LRP1B: variants seen among roughly 807,000 people sequenced by gnomAD.
The protein encoded by LRP1B is low-density lipoprotein receptor-related protein 1B.
In LRP1B, 217 loss-of-function variants were observed where a neutral mutation model predicts 556.6. The observed-to-expected ratio is 0.39, with a 90% CI of 0.35 to 0.44. LRP1B has a LOEUF of 0.44. Among genes scored for constraint, LRP1B ranks in the 20% least tolerant of loss-of-function variants. The pLI is 1.00. For missense variants in LRP1B, 5,053 were observed against 5,620.8 expected (o/e 0.90, Z 3.23); for synonymous variants, 2,047 against 1,865.8 (o/e 1.10, Z -2.50).
At chr2:140,321,910 A>C in intron 82 of LRP1B, 53 bp downstream of exon 82, 2 of 1,549,464 alleles carry the variant, frequency 1.3e-6, no homozygotes, top group South Asian at 2.3e-5. Context: ...CGAGGTGTGA[A>C]ATTTTATGAT....
At chr2:142,077,877 ATGT>A (rs1224309827) in intron 1 of LRP1B, among the ~76,000 whole-genome samples, 1 of 152,152 alleles carries the variant, frequency 6.6e-6, no homozygotes, top group Admixed American at 6.6e-5. Context: ...AAACTAAAAT[ATGT>A]TTGCCCAAAG....
intron 5 of LRP1B, among the ~76,000 whole-genome samples, chr2:141,238,638 G>C (rs1255997610): frequency 6.6e-6 from 1 of 152,072 alleles, no homozygotes; most frequent in East Asian, 1.9e-4. Flanking sequence ...TATGAATATT[G>C]TTTGGCAGTG....
intron 2 of LRP1B, among the ~76,000 whole-genome samples, chr2:141,809,731 A>G (rs1696275812): frequency 8.2e-6 from 1 of 121,278 alleles, no homozygotes. Flanking sequence ...CTATGAATGG[A>G]TAAAGTTTCT....
rs1686454635 is a variant in LRP1B at position 140,442,111 on chromosome 2, T to C, written c.10414+393A>G. ...TATTAAAGAATGACATACAATATCA[T>C]TGAATAACTACAGAATCTTAGGGAT... On this transcript the variant is annotated intron_variant, in intron 66 of 90. Transcript: ENST00000389484. Among the ~76,000 whole-genome samples the C allele has an allele frequency of 2.0e-5, 3 of 151,996 alleles. No individual in the cohort carries two copies. In the South Asian group the frequency reaches 6.3e-4, roughly 32 times the overall value.
intron 1 of LRP1B, among the ~76,000 whole-genome samples, chr2:142,067,034 A>C (rs1705132975): frequency 1.3e-5 from 2 of 151,342 alleles, no homozygotes; most frequent in African/African-American, 2.4e-5. Flanking sequence ...TGGCTCATAG[A>C]TCTCTCCTGT....
intron 21 of LRP1B, among the ~76,000 whole-genome samples, chr2:140,911,401 A>G (rs926889072): frequency 6.6e-6 from 1 of 151,652 alleles, no homozygotes; most frequent in African/African-American, 2.4e-5. Flanking sequence ...GTGCTGCTTT[A>G]TTTTTCTTCT....
intron 3 of LRP1B, among the ~76,000 whole-genome samples, chr2:141,470,633 T>C (rs956097846): frequency 3.9e-5 from 6 of 152,144 alleles, no homozygotes; most frequent in African/African-American, 1.4e-4. Context: ...TCCAGCTGAT[T>C]TCCAGTGTGA....
At chr2:140,682,701 T>TGTGC (rs1191337738) in intron 41 of LRP1B, among the ~76,000 whole-genome samples, 1 of 151,404 alleles carries the variant, frequency 6.6e-6, no homozygotes, top group Non-Finnish European at 1.5e-5. Flanking sequence ...TGTGTGTGCG[T>TGTGC]GCACCTTGTA....
intron 1 of LRP1B, among the ~76,000 whole-genome samples, chr2:141,993,641 T>C (rs1702405328): frequency 1.3e-5 from 2 of 152,134 alleles, no homozygotes; most frequent in Non-Finnish European, 2.9e-5. Flanking sequence ...CATTGATTCA[T>C]TGAGATAAAG....
At chr2:141,468,211 G>T (rs927676769) in intron 3 of LRP1B, among the ~76,000 whole-genome samples, 2 of 152,086 alleles carry the variant, frequency 1.3e-5, no homozygotes, top group Admixed American at 6.6e-5. Flanking sequence ...TAATTTAGAT[G>T]GGTGGAATAC....
rs144810236 is a variant in LRP1B at position 140,467,840 on chromosome 2, G to T, written c.9625+7298C>A. Among the ~76,000 whole-genome samples the T allele has an allele frequency of 2.4e-3, 358 of 152,206 alleles. 1 individual carries two copies. The highest frequency in any genetic ancestry group is 3.0e-3 in the Non-Finnish European group (203 of 68,020). On this transcript the variant is annotated intron_variant, in intron 60 of 90. Transcript: ENST00000389484. ...AGGAGGTACTTGGCTTTGTTGCACT[G>T]CTTATAGTAAAATGCAAGGAGAGAA...
chr2:142,097,247 G>A (rs572072414), intron 1 of LRP1B, among the ~76,000 whole-genome samples: 17 of 151,558 alleles, frequency 1.1e-4, no homozygotes, highest in Non-Finnish European at 2.1e-4. Context: ...AACAATAATC[G>A]TTGAAAACTG....
chr2:140,233,033 AAAT>A lies in LRP1B; in HGVS notation c.*150_*152del. ...TGGTCAATCAATAGTCATCAGCAAA[AAAT>A]AAAACCCAAAAAACTCAGAAAACAA... On this transcript the variant is annotated 3_prime_UTR_variant, in exon 91 of 91. Coordinates refer to ENST00000389484, the MANE Select transcript of LRP1B (RefSeq NM_018557.3). The A allele has an allele frequency of 2.0e-6, 1 of 503,998 alleles. No individual in the cohort carries two copies. Among genetic ancestry groups the A allele is most frequent in the Non-Finnish European group, 3.3e-6 (1 of 302,778 alleles). The allele number at this position is 503,998 out of a possible 1,614,324, so 31.2% of individuals were successfully genotyped here.
intron 68 of LRP1B, among the ~76,000 whole-genome samples, chr2:140,375,703 A>T (rs1203063993): frequency 6.6e-6 from 1 of 152,114 alleles, no homozygotes; most frequent in African/African-American, 2.4e-5. Context: ...ATTATTAACA[A>T]TGTCTATGGA....
intron 3 of LRP1B, among the ~76,000 whole-genome samples, chr2:141,278,716 T>A (rs1309020571): frequency 6.6e-6 from 1 of 152,186 alleles, no homozygotes; most frequent in Non-Finnish European, 1.5e-5. Flanking sequence ...TAATGTAGGC[T>A]TCACAATTCC....
intron 2 of LRP1B, among the ~76,000 whole-genome samples, chr2:141,577,094 A>G (rs1686779945): frequency 6.6e-6 from 1 of 152,192 alleles, no homozygotes; most frequent in Admixed American, 6.5e-5. Flanking sequence ...AACTGCAACT[A>G]GAACAGTGAT....
chr2:141,119,281 A>C (rs939574605), intron 7 of LRP1B, among the ~76,000 whole-genome samples: 1 of 151,932 alleles, frequency 6.6e-6, no homozygotes, highest in African/African-American at 2.4e-5. Context: ...GGAATAAGAA[A>C]AGAAAGGTCT....
intron 2 of LRP1B, among the ~76,000 whole-genome samples, chr2:141,741,560 C>T (rs1371573978): frequency 6.6e-6 from 1 of 151,894 alleles, no homozygotes; most frequent in Non-Finnish European, 1.5e-5. Flanking sequence ...TATTGAGCAC[C>T]TTTTCATATT....
rs70991117 is a variant in LRP1B at position 140,915,653 on chromosome 2, A to AAAATAAATAAATAAATAAAT, written c.3319+7292_3319+7311dup. ...GGCAACAGAGCAAGACTTTGTCTCAAAAATAAATAAATAAATAAATAAATA... is the reference window on the plus strand; with the variant it reads ...GGCAACAGAGCAAGACTTTGTCTCAAAAATAAATAAATAAATAAATAAATAAATAAATAAATAAATAAATA... On this transcript the variant is annotated intron_variant, in intron 21 of 90. Transcript: ENST00000389484. Among the ~76,000 whole-genome samples the AAAATAAATAAATAAATAAAT allele has an allele frequency of 2.2e-3, 320 of 145,098 alleles. 1 individual carries two copies. Among genetic ancestry groups the AAAATAAATAAATAAATAAAT allele is most frequent in the African/African-American group, 6.8e-3 (265 of 39,088 alleles).
Sources: allele counts gnomAD v4.1 joint callset (sites outside exome capture counted in the v4.1 genomes callset), GRCh38; gene constraint gnomAD v4.1.1; transcripts MANE v1.5; gene names NCBI Gene and HGNC (gene_info 2026-07-23, HGNC 2026-07-21).